CENPI: variants seen among roughly 807,000 people sequenced by gnomAD.
CENPI encodes the protein centromere protein I.
In CENPI, 4 loss-of-function variants were observed where a neutral mutation model predicts 60.4. The observed-to-expected ratio is 0.07, with a 90% CI of 0.03 to 0.15. The LOEUF (loss-of-function observed/expected upper bound fraction) is 0.15, where lower values mean the gene tolerates loss of function less well. Ranked by LOEUF, CENPI falls within the 10% of genes least tolerant of loss-of-function variation. The pLI, the probability that CENPI is intolerant of heterozygous loss-of-function variation, is 1.00. For synonymous variants in CENPI, 157 were observed against 189.4 expected (o/e 0.83, Z 1.40); for missense variants, 444 against 534.5 (o/e 0.83, Z 1.67).
chrX:101,120,198 A>G (rs1277089441), intron 6 of CENPI, among the ~76,000 whole-genome samples: 9 of 111,910 alleles, frequency 8.0e-5, no homozygotes, highest in African/African-American at 2.6e-4. Flanking sequence ...TAACTAAAAA[A>G]TGACCTAATG....
intron 2 of CENPI, among the ~76,000 whole-genome samples, chrX:101,099,525 C>T (rs1474239089): frequency 9.1e-6 from 1 of 110,315 alleles, no homozygotes; most frequent in Non-Finnish European, 1.9e-5. Context: ...CCCAGCCAAG[C>T]TGCTGTTTCT....
intron 20 of CENPI, 106 bp downstream of exon 20, chrX:101,148,267 G>A (rs767134867): frequency 3.8e-4 from 262 of 698,575 alleles, no homozygotes; most frequent in Non-Finnish European, 5.3e-4. Context: ...CGTGTGTTTA[G>A]TAATTTTTTT....
rs759154189 is a variant in CENPI, at chrX:101,146,173, T to C, written c.1722T>C (p.Asn574=). 8.3e-7 allele frequency: 1 copy of C among 1,200,045 alleles called. No homozygotes were observed. Among genetic ancestry groups the C allele is most frequent in the South Asian group, 1.8e-5 (1 of 56,576 alleles). ...CCAAGGTGTGTGACATATATATAAA[T>C]TATAACCTTCCATTAGTGGTATTGT... ...FYEKVCDIYI[N]YNLPLVVLFP... The change falls in exon 18 of 22, where the codon AAT becomes AAC. Residue 574 remains asparagine, a synonymous_variant. Transcript: ENST00000682095.
At position 101,123,276 on chromosome X, in the gene CENPI, C is replaced by A. The variant is rs373536751; in HGVS notation, c.687+2492C>A. ...GCAAAGGCATATATCCCGTCTATCC[C>A]CCTCCATGCCCCATAGCTCCCAATC... is the stretch of plus-strand genomic sequence containing the variant. On this transcript the variant is annotated intron_variant, in intron 8 of 21. Transcript: ENST00000682095. Among the ~76,000 whole-genome samples, 5 of 112,087 alleles carry A rather than the reference C, an allele frequency of 4.5e-5. No individual in the cohort carries two copies. In the East Asian group the frequency reaches 1.4e-3, roughly 31 times the overall value.
chrX:101,110,559 G>A lies in CENPI; in HGVS notation c.591+561G>A, dbSNP rs190258990. On this transcript the variant is annotated intron_variant, in intron 6 of 21. Transcript: ENST00000682095. ...CCTGGAAGACTTTCAAGGACCATCA[G>A]TAGTTCACAGACCATGTGAATCACT... 2.8e-4 allele frequency among the ~76,000 whole-genome samples: 32 copies of A among 112,354 alleles called. No homozygotes were observed. The East Asian group carries it at 7.2e-3, about 25-fold the overall frequency.
chrX:101,125,830 GAT>G (rs1205020944), intron 8 of CENPI, among the ~76,000 whole-genome samples: 2 of 111,638 alleles, frequency 1.8e-5, no homozygotes, highest in East Asian at 5.6e-4. Context: ...TAACAAAAAA[GAT>G]AGTTTTAATT....
chrX:101,114,409 C>T (rs749139453), intron 6 of CENPI, among the ~76,000 whole-genome samples: 84 of 111,698 alleles, frequency 7.5e-4, no homozygotes, highest in African/African-American at 2.5e-3. Context: ...AATTTTAGAA[C>T]ATTTTCATCA....
chrX:101,135,428 G>A (rs2089837012), intron 15 of CENPI, among the ~76,000 whole-genome samples: 1 of 111,621 alleles, frequency 9.0e-6, no homozygotes. Context: ...TAGCTGGATA[G>A]TATGAACAAA....
rs1217998307 is a variant in CENPI at position 101,164,510 on chromosome X, T to A, written c.*1543T>A. On this transcript the variant is annotated 3_prime_UTR_variant, in exon 22 of 22. Coordinates refer to ENST00000682095, the MANE Select transcript of CENPI (RefSeq NM_001386188.2). ...CCACGCCCAGCCAATTTTTGTATTT[T>A]TAGTAGAGACAGGGTTCCGTCATGT... Among the ~76,000 whole-genome samples, 3 of 110,975 alleles carry A rather than the reference T, an allele frequency of 2.7e-5. No individual in the cohort carries two copies. The highest frequency in any genetic ancestry group is 5.7e-5 in the Non-Finnish European group (3 of 53,031).
chrX:101,167,388 G>A (rs1050484351), downstream of CENPI, among the ~76,000 whole-genome samples: 2 of 111,955 alleles, frequency 1.8e-5, no homozygotes, highest in South Asian at 3.7e-4. Context: ...TGCGTTGTAC[G>A]TTGCCCTTGC....
rs1569498192 is a variant in CENPI, at chrX:101,109,945, C to A, written c.538C>A (p.Gln180Lys). The A allele has an allele frequency of 2.5e-6, 3 of 1,206,047 alleles. No homozygotes were observed. Among genetic ancestry groups the A allele is most frequent in the Admixed American group, 2.2e-5 (1 of 45,567 alleles). The change falls in exon 6 of 22, where the codon CAA becomes AAA. Residue 180 changes from glutamine to lysine, a missense_variant. Gln to Lys is a moderately conservative substitution (Grantham distance 53, BLOSUM62 1). Transcript: ENST00000682095. Reference protein sequence around the residue: ...AMFDFIDRKEQINLLYGFFFA... With the variant: ...AMFDFIDRKEKINLLYGFFFA... Reference sequence around the variant, plus strand: ...GTTTGACTTCATTGATCGTAAGGAGCAAATTAACTTGCTCTATGGCTTCTT... The same window carrying A: ...GTTTGACTTCATTGATCGTAAGGAGAAAATTAACTTGCTCTATGGCTTCTT...
In CENPI at chrX:101,108,684, A is replaced by G. The variant is rs751990929; in HGVS notation, c.365-789A>G. On this transcript the variant is annotated intron_variant, in intron 4 of 21. Transcript: ENST00000682095. Reference sequence around the variant, plus strand: ...TTTTGAGAGAGGGTCTCACTCTGTCACCCAGGCTGGAGTGCAGTGGCACGA... The same window carrying G: ...TTTTGAGAGAGGGTCTCACTCTGTCGCCCAGGCTGGAGTGCAGTGGCACGA... Among the ~76,000 whole-genome samples the G allele has an allele frequency of 6.7e-3, 710 of 106,345 alleles. 1 individual carries two copies. Among genetic ancestry groups the G allele is most frequent in the Non-Finnish European group, 0.011 (589 of 51,738 alleles). The allele number at this position is 106,345 out of a possible 115,157, so 92.3% of individuals were successfully genotyped here.
chrX:101,176,350 C>T, the CENPI span, among the ~76,000 whole-genome samples: 1 of 110,309 alleles, frequency 9.1e-6, no homozygotes, highest in East Asian at 2.8e-4. Context: ...GTTTTTTGAA[C>T]CTCCCCTACT....
intron 6 of CENPI, among the ~76,000 whole-genome samples, chrX:101,115,737 C>T (rs2089615114): frequency 1.8e-5 from 2 of 111,877 alleles, no homozygotes; most frequent in Non-Finnish European, 3.8e-5. Flanking sequence ...ATGCAAGCAT[C>T]ACCACTATCT....
chrX:101,119,104 C>T lies in CENPI; in HGVS notation c.592-1298C>T, dbSNP rs868769035. Among the ~76,000 whole-genome samples the T allele has an allele frequency of 2.9e-4, 32 of 111,350 alleles. 1 individual carries two copies. Among genetic ancestry groups the T allele is most frequent in the African/African-American group, 8.8e-4 (27 of 30,640 alleles). The stretch of plus-strand genomic sequence containing the variant: ...CTGAGGTAGGAGAATCGCTTGAACC[C>T]GGGAGGCGGAGGTTGCAGTGAGCCG... On this transcript the variant is annotated intron_variant, in intron 6 of 21. Transcript: ENST00000682095.
Position 101,127,530 on chromosome X carries a change from C to T in CENPI, c.939C>T (p.Leu313=), listed in dbSNP as rs2089748919. ...ATTCTCTCTCAGTTATACCAGTGCT[C>T]AATTCCAGTAGCTACACTAAAGAAT... ...KWNSLSVIPV[L]NSSSYTKECG... is the part of the protein sequence containing the mutation. The change falls in exon 11 of 22, where the codon CTC becomes CTT. Residue 313 remains leucine, a synonymous_variant. Coordinates refer to ENST00000682095, the MANE Select transcript of CENPI (RefSeq NM_001386188.2). 2.5e-6 allele frequency: 3 copies of T among 1,193,174 alleles called. No individual in the cohort carries two copies. Among genetic ancestry groups the T allele is most frequent in the South Asian group, 1.8e-5 (1 of 54,331 alleles).
chrX:101,098,554 G>T lies in CENPI; in HGVS notation c.-14+15G>T, dbSNP rs773379970. On this transcript the variant is annotated intron_variant, in intron 2 of 21. Coordinates refer to ENST00000682095, the MANE Select transcript of CENPI (RefSeq NM_001386188.2). ...GGTGGGATTGAGTAAGTGTCATTCC[G>T]ACTATTCCTTTAGTTTTTCCTATTT... The T allele has an allele frequency of 9.0e-6, 1 of 111,437 alleles. No individual in the cohort carries two copies. Among genetic ancestry groups the T allele is most frequent in the Non-Finnish European group, 1.9e-5 (1 of 53,105 alleles). The allele number at this position is 111,437 out of a possible 1,213,427, so 9.2% of individuals were successfully genotyped here.
the CENPI span, among the ~76,000 whole-genome samples, chrX:101,174,932 AC>A: frequency 9.0e-6 from 1 of 110,918 alleles, no homozygotes; most frequent in East Asian, 2.8e-4. Context: ...ACAAGGAGAA[AC>A]CCCGTCTCTA....
chrX:101,132,091 G>A, intron 13 of CENPI, 99 bp from the exon 14 acceptor site: 1 of 572,897 alleles, frequency 1.7e-6, no homozygotes. Context: ...ATTAGTCTAA[G>A]AGTGAAGCAA....
Sources: gnomAD v4.1 joint callset for allele counts (sites outside exome capture counted in the v4.1 genomes callset) on GRCh38, gnomAD v4.1.1 for gene constraint, MANE v1.5 for transcripts, NCBI Gene and HGNC (gene_info 2026-07-23, HGNC 2026-07-21) for gene names.